Variants in UNC13A observed in about 807,000 individuals in gnomAD.
UNC13A encodes unc-13 homolog A.
Under a neutral mutation model 219.7 loss-of-function variants are expected in UNC13A, and 61 were observed. That is an observed-to-expected ratio of 0.28 (90% confidence interval 0.23 to 0.34). The LOEUF is 0.34. Among genes scored for constraint, UNC13A ranks in the 10% least tolerant of loss-of-function variants. UNC13A has a pLI of 1.00. For synonymous variants in UNC13A, 920 were observed against 884.6 expected (o/e 1.04, Z -0.71); for missense variants, 1,476 against 2,270.3 (o/e 0.65, Z 7.11).
chr19:17,655,277 C>G lies in UNC13A; in HGVS notation c.1389G>C (p.Gln463His). 1 of 1,570,232 alleles carries G rather than the reference C, an allele frequency of 6.4e-7. No individual in the cohort carries two copies. The highest frequency in any genetic ancestry group is 8.6e-7 in the Non-Finnish European group (1 of 1,160,150). Residue 463 changes from glutamine (Q) to histidine (H), a missense_variant, in exon 11 of 44, where the codon CAG (glutamine) becomes CAC (histidine). Gln to His is a conservative substitution (Grantham distance 24). Around this residue, in one of 14 missense-constraint regions of UNC13A, gnomAD observed 351 missense variants for 342.6 expected, o/e 1.02. Transcript: ENST00000519716. ...RAFNKVRMQL[Q>H]EARGEGEMSK... ...CATGGCTGGGCGTGTCACTCACCTC[C>G]TGCAGCTGCATCCGCACCTTGTTGA... is the stretch of plus-strand genomic sequence containing the variant.
intron 43 of UNC13A, among the ~76,000 whole-genome samples, chr19:17,609,160 G>T (rs1599822770): frequency 6.7e-6 from 1 of 148,638 alleles, no homozygotes; most frequent in East Asian, 2.0e-4. Context: ...AGTAGAGACG[G>T]GGTTTCACCA....
In UNC13A at chr19:17,654,121, C is replaced by T. The variant is rs1243664472; in HGVS notation, c.1392+1153G>A. ...GGATTACAGGCTTGAGCAACCACGC[C>T]CGGCCATCACTTCTCCTTAAGTGTC... On this transcript the variant is annotated intron_variant, in intron 11 of 43. Coordinates refer to ENST00000519716, the MANE Select transcript of UNC13A (RefSeq NM_001080421.3). Among the ~76,000 whole-genome samples, 3 of 152,286 alleles carry T rather than the reference C, an allele frequency of 2.0e-5. No individual in the cohort carries two copies. The South Asian group carries it at 6.2e-4, about 32-fold the overall frequency.
At chr19:17,610,644 C>T (rs2076593144) in intron 42 of UNC13A, among the ~76,000 whole-genome samples, 1 of 152,150 alleles carries the variant, frequency 6.6e-6, no homozygotes, top group South Asian at 2.1e-4. Context: ...GCTTAAAAGG[C>T]AGGGAGTGAA....
intron 31 of UNC13A, among the ~76,000 whole-genome samples, chr19:17,628,802 TAC>T (rs1460635634): frequency 1.3e-5 from 2 of 151,624 alleles, no homozygotes; most frequent in South Asian, 2.1e-4. Context: ...ATCACACAGA[TAC>T]ACACACTCAT....
At chr19:17,659,498 T>C (rs2145875233) in intron 8 of UNC13A, among the ~76,000 whole-genome samples, 1 of 152,104 alleles carries the variant, frequency 6.6e-6, no homozygotes. Context: ...CCAGGCAAAG[T>C]GGCTCATGCC....
chr19:17,667,806 AGACGG>A (rs1222037766), intron 6 of UNC13A, among the ~76,000 whole-genome samples: 2 of 128,256 alleles, frequency 1.6e-5, no homozygotes, highest in African/African-American at 6.1e-5. Flanking sequence ...TTTTTAGTAG[AGACGG>A]GGTTTCACTG....
intron 11 of UNC13A, among the ~76,000 whole-genome samples, chr19:17,653,919 C>A (rs540466751): frequency 6.7e-6 from 1 of 149,252 alleles, no homozygotes; most frequent in African/African-American, 2.5e-5. Context: ...CTCCGCTTCC[C>A]GGGTTCACGC....
At position 17,604,837 on chromosome 19, in the gene UNC13A, CT is replaced by C. The variant is rs2076503902; in HGVS notation, c.*1216del. On this transcript the variant is annotated 3_prime_UTR_variant, in exon 44 of 44. Coordinates refer to ENST00000519716, the MANE Select transcript of UNC13A (RefSeq NM_001080421.3). ...TGAATAGGCTCTTGGAGACTAAGCT[CT>C]CACTGTGTCACTGTGTTTGTGTTTC... 6.6e-6 allele frequency: 1 copy of C among 151,874 alleles called. No individual in the cohort carries two copies. Among genetic ancestry groups the C allele is most frequent in the Non-Finnish European group, 1.5e-5 (1 of 67,824 alleles). 9.4% of individuals were successfully genotyped at this position (151,874 alleles called of 1,614,324 possible).
intron 1 of UNC13A, among the ~76,000 whole-genome samples, chr19:17,683,572 C>T (rs571208648): frequency 3.2e-4 from 49 of 151,794 alleles, no homozygotes; most frequent in Non-Finnish European, 6.9e-4. Context: ...GCAGGAAAAT[C>T]GCTTGAACTT....
At chr19:17,646,826 GCC>G (rs1182792120) in intron 17 of UNC13A, among the ~76,000 whole-genome samples, 1 of 152,120 alleles carries the variant, frequency 6.6e-6, no homozygotes, top group African/African-American at 2.4e-5. Context: ...CAGTATCCTC[GCC>G]CCTAAGTGGG....
chr19:17,609,483 G>C (rs1393878010), intron 43 of UNC13A, among the ~76,000 whole-genome samples: 1 of 151,812 alleles, frequency 6.6e-6, no homozygotes, highest in East Asian at 1.9e-4. Flanking sequence ...CAACGGTCCT[G>C]ACAAGGCTCA....
chr19:17,652,622 A>C lies in UNC13A; in HGVS notation c.1439+9T>G. ...TCTTCCTCCCACCGCTCACAGTTTC[A>C]TTACTTACCCGCCTTTGAACCATAG... On this transcript the variant is annotated intron_variant, in intron 12 of 43. Transcript: ENST00000519716. 1 of 1,613,646 alleles carries C rather than the reference A, an allele frequency of 6.2e-7. No homozygotes were observed. The highest frequency in any genetic ancestry group is 8.5e-7 in the Non-Finnish European group (1 of 1,179,734).
chr19:17,653,819 C>A (rs1185371103), intron 11 of UNC13A, among the ~76,000 whole-genome samples: 2 of 118,576 alleles, frequency 1.7e-5, no homozygotes, highest in Non-Finnish European at 3.4e-5. Flanking sequence ...GATATCACTT[C>A]TCTTTTTTTT....
Position 17,603,319 on chromosome 19 carries a change from T to C in UNC13A, c.*2735A>G, listed in dbSNP as rs2076486287. On this transcript the variant is annotated 3_prime_UTR_variant, in exon 44 of 44. Coordinates refer to ENST00000519716, the MANE Select transcript of UNC13A (RefSeq NM_001080421.3). ...TCAGGCAGCTCGACTTCCCCATTTC[T>C]TTCCAGCCATCCAAAAATCTTCCAG... 6.6e-6 allele frequency: 1 copy of C among 152,254 alleles called. No individual in the cohort carries two copies. The highest frequency in any genetic ancestry group is 1.5e-5 in the Non-Finnish European group (1 of 68,098). The allele number at this position is 152,254 out of a possible 1,614,324, so 9.4% of individuals were successfully genotyped here.
chr19:17,680,898 T>TTTTTTTTTTTTTTTTTTTTTTTTTTC (rs2080002004), intron 1 of UNC13A, among the ~76,000 whole-genome samples: 1 of 105,240 alleles, frequency 9.5e-6, no homozygotes, highest in African/African-American at 3.9e-5. Context: ...TCTTTTTTTT[T>TTTTTTTTTTTTTTTTTTTTTTTTTTC]TTTTTTTTTT....
chr19:17,632,668 C>T, intron 28 of UNC13A, 114 bp downstream of exon 28: 5 of 1,500,310 alleles, frequency 3.3e-6, no homozygotes, highest in Middle Eastern at 2.4e-4. Flanking sequence ...CAAGCCCCAC[C>T]CATGCCCCTG....
chr19:17,638,255 G>A (rs994790570), intron 25 of UNC13A, among the ~76,000 whole-genome samples: 3 of 150,804 alleles, frequency 2.0e-5, no homozygotes, highest in Middle Eastern at 3.5e-3. Flanking sequence ...CAGGAGGATC[G>A]CTTGAGCCCA....
At chr19:17,610,496 C>G (rs115149162) in intron 42 of UNC13A, among the ~76,000 whole-genome samples, 53 of 152,214 alleles carry the variant, frequency 3.5e-4, no homozygotes, top group African/African-American at 1.3e-3. Flanking sequence ...CACCCCACCC[C>G]TCGCCCGCCG....
intron 7 of UNC13A, among the ~76,000 whole-genome samples, chr19:17,665,435 T>TA (rs1052027327): frequency 1.6e-4 from 25 of 152,132 alleles, no homozygotes; most frequent in African/African-American, 5.5e-4. Context: ...CCCAGGAAGA[T>TA]AAAAAATCTT....
Sources: gnomAD v4.1 joint callset for allele counts (sites outside exome capture counted in the v4.1 genomes callset) on GRCh38, gnomAD v4.1.1 for gene constraint, gnomAD v4.1.1 regional missense constraint, MANE v1.5 for transcripts, NCBI Gene and HGNC (gene_info 2026-07-23, HGNC 2026-07-21) for gene names.